The following WASF2 variants were observed in gnomAD, a reference collection of about 807,000 sequenced individuals.
WASF2 encodes WASP family member 2.
WASF2 carries 14 observed loss-of-function variants against 45.0 expected under a neutral mutation model. The ratio of observed to expected loss-of-function variants is 0.31; its 90% CI spans 0.21 to 0.49. The LOEUF (loss-of-function observed/expected upper bound fraction) is 0.49, where lower values mean the gene tolerates loss of function less well. WASF2 is among the 20% of genes least tolerant of loss of function. WASF2 has a pLI of 0.99. For missense variants in WASF2, 439 were observed against 636.1 expected, an observed-to-expected ratio of 0.69 and a Z score of 3.33; for synonymous variants, 200 against 236.3, an observed-to-expected ratio of 0.85 and a Z score of 1.41.
chr1:27,467,841 G>C (rs914631809), intron 1 of WASF2, among the ~76,000 whole-genome samples: 17 of 152,030 alleles, frequency 1.1e-4, no homozygotes, highest in Non-Finnish European at 2.2e-4. Context: ...GAACCCAGGA[G>C]GCGGAGGTTG....
chr1:27,483,609 C>A (rs535235429), intron 1 of WASF2, among the ~76,000 whole-genome samples: 1 of 152,154 alleles, frequency 6.6e-6, no homozygotes, highest in East Asian at 1.9e-4. Flanking sequence ...CACTGCACTC[C>A]AGCATGGGCG....
chr1:27,418,140 A>G (rs2016850577), intron 4 of WASF2, 129 bp downstream of exon 4: 9 of 1,096,268 alleles, frequency 8.2e-6, no homozygotes, highest in Non-Finnish European at 1.1e-5. Context: ...CACAGAAACT[A>G]CCACAACTTT....
rs751918883 is a variant in WASF2, at chr1:27,405,480, T to C, written c.*2709A>G. 9 of 152,132 alleles carry C rather than the reference T, an allele frequency of 5.9e-5. No homozygotes were observed. Among genetic ancestry groups the C allele is most frequent in the Non-Finnish European group, 1.3e-4 (9 of 68,024 alleles). The allele number at this position is 152,132 out of a possible 1,614,324, so 9.4% of individuals were successfully genotyped here. A position where few individuals can be genotyped will look rare whatever the true frequency, so the allele number is the denominator to read the frequency against. ...ATGGGCCATTGTTCCATACTCTCAC[T>C]AGCTTAGGCCCAGATTAAATAATCA... On this transcript the variant is annotated 3_prime_UTR_variant, in exon 9 of 9. Coordinates refer to ENST00000618852, the MANE Select transcript of WASF2 (RefSeq NM_006990.5).
At chr1:27,463,351 C>A (rs191681397) in intron 1 of WASF2, among the ~76,000 whole-genome samples, 18 of 152,100 alleles carry the variant, frequency 1.2e-4, no homozygotes, top group Admixed American at 2.0e-4. Flanking sequence ...TGATACTGGC[C>A]GGATGCGGTG....
chr1:27,411,991 CA>C (rs1571118780), intron 7 of WASF2, among the ~76,000 whole-genome samples: 1 of 152,288 alleles, frequency 6.6e-6, no homozygotes, highest in East Asian at 1.9e-4. Context: ...TTCAACTGAC[CA>C]ATCAGGGCTC....
At chr1:27,428,986 T>C in intron 1 of WASF2, 53 bp from the exon 2 acceptor site, 1 of 1,221,518 alleles carries the variant, frequency 8.2e-7, no homozygotes, top group Non-Finnish European at 1.1e-6. Flanking sequence ...CCAGGCACAC[T>C]AGGGCTGTGT....
chr1:27,474,721 G>A (rs578107787), intron 1 of WASF2, among the ~76,000 whole-genome samples: 40 of 151,656 alleles, frequency 2.6e-4, no homozygotes, highest in Non-Finnish European at 5.3e-4. Flanking sequence ...GCAGTGAGCC[G>A]AGATCATGCC....
At chr1:27,428,219 G>C (rs1457474620) in intron 2 of WASF2, among the ~76,000 whole-genome samples, 1 of 152,198 alleles carries the variant, frequency 6.6e-6, no homozygotes, top group African/African-American at 2.4e-5. Flanking sequence ...CTGGGGGCTT[G>C]CAGCACAATT....
At chr1:27,474,008 T>C (rs892144181) in intron 1 of WASF2, among the ~76,000 whole-genome samples, 1 of 152,116 alleles carries the variant, frequency 6.6e-6, no homozygotes, top group African/African-American at 2.4e-5. Context: ...CCAGAGTACC[T>C]GGAGGGAAAC....
At chr1:27,455,742 C>A (rs1275502909) in intron 1 of WASF2, among the ~76,000 whole-genome samples, 2 of 152,150 alleles carry the variant, frequency 1.3e-5, no homozygotes, top group Non-Finnish European at 2.9e-5. Flanking sequence ...CGCTTCCCGG[C>A]CCAGTTCAAG....
chr1:27,409,167 G>A (rs1469070368), intron 8 of WASF2, among the ~76,000 whole-genome samples: 1 of 152,122 alleles, frequency 6.6e-6, no homozygotes, highest in East Asian at 1.9e-4. Context: ...GCTCACGCCT[G>A]TAATCCCAGC....
Position 27,409,586 on chromosome 1 carries a change from C to T in WASF2, c.1339+106G>A, listed in dbSNP as rs942447962. 6 of 1,340,804 alleles carry T rather than the reference C, an allele frequency of 4.5e-6. No individual in the cohort carries two copies. In the Admixed American group the frequency reaches 8.9e-5, roughly 20 times the overall value. The allele number at this position is 1,340,804 out of a possible 1,614,324, so 83.1% of individuals were successfully genotyped here. ...CAATCTCTCCCCACCCAATGAAAGC[C>T]GTTTCCTGGGAAGGGCACAGGGACC... On this transcript the variant is annotated intron_variant, in intron 8 of 8. Transcript: ENST00000618852.
At chr1:27,460,802 A>C (rs1047078551) in intron 1 of WASF2, among the ~76,000 whole-genome samples, 1 of 152,224 alleles carries the variant, frequency 6.6e-6, no homozygotes, top group Admixed American at 6.5e-5. Context: ...ACCTGGGTTC[A>C]AATCTCAGCT....
Position 27,410,346 on chromosome 1 carries a change from C to A in WASF2, c.825-140G>T, listed in dbSNP as rs2016745670. 1.4e-6 allele frequency: 2 copies of A among 1,446,046 alleles called. No homozygotes were observed. The highest frequency in any genetic ancestry group is 1.4e-5 in the African/African-American group (1 of 70,252). The allele number at this position is 1,446,046 out of a possible 1,614,324, so 89.6% of individuals were successfully genotyped here. A position where few individuals can be genotyped will look rare whatever the true frequency, so the allele number is the denominator to read the frequency against. On this transcript the variant is annotated intron_variant, in intron 7 of 8. Coordinates refer to ENST00000618852, the MANE Select transcript of WASF2 (RefSeq NM_006990.5). The surrounding 1 kb of genome is among the most constrained non-coding windows in gnomAD (Gnocchi z 4.2). ...TCACTTAAACAGAAAGAAAAGCCTA[C>A]AGATGGTCATAACAGACCAATAATG... is the stretch of plus-strand genomic sequence containing the variant.
chr1:27,408,109 C>A lies in WASF2; in HGVS notation c.*80G>T. The A allele has an allele frequency of 6.5e-7, 1 of 1,533,196 alleles. No individual in the cohort carries two copies. The highest frequency in any genetic ancestry group is 8.8e-7 in the Non-Finnish European group (1 of 1,131,248). 95.0% of individuals were successfully genotyped at this position (1,533,196 alleles called of 1,614,324 possible). A position where few individuals can be genotyped will look rare whatever the true frequency, so the allele number is the denominator to read the frequency against. ...TTACTTTTTTCCTCCCTTTTCTCCC[C>A]CTACGGGTCTGTTGGGGTTGGCATC... On this transcript the variant is annotated 3_prime_UTR_variant, in exon 9 of 9. Coordinates refer to ENST00000618852, the MANE Select transcript of WASF2 (RefSeq NM_006990.5).
At chr1:27,427,082 T>C (rs2016996605) in intron 2 of WASF2, among the ~76,000 whole-genome samples, 1 of 152,190 alleles carries the variant, frequency 6.6e-6, no homozygotes, top group Non-Finnish European at 1.5e-5. Context: ...CTTATTCTTA[T>C]TCTTATTGAG....
intron 1 of WASF2, among the ~76,000 whole-genome samples, chr1:27,434,786 CAAAT>C (rs918943447): frequency 2.8e-4 from 43 of 152,300 alleles, no homozygotes; most frequent in Middle Eastern, 6.8e-3. Context: ...AGTCTGAAAA[CAAAT>C]AAAAGACTGC....
chr1:27,408,500 TTTA>T (rs1211395224), intron 8 of WASF2, among the ~76,000 whole-genome samples, 154 bp from the exon 9 acceptor site: 1 of 152,098 alleles, frequency 6.6e-6, no homozygotes, highest in Non-Finnish European at 1.5e-5. Context: ...AGAAGATGAG[TTTA>T]TGAAATTGAT....
At chr1:27,417,889 T>G (rs1183088335) in intron 4 of WASF2, among the ~76,000 whole-genome samples, 1 of 127,102 alleles carries the variant, frequency 7.9e-6, no homozygotes, top group Admixed American at 9.3e-5. Flanking sequence ...GTGGGAGCCT[T>G]GCTAGAATGT....
Sources: gnomAD v4.1 joint callset for allele counts (sites outside exome capture counted in the v4.1 genomes callset) on GRCh38, gnomAD v4.1.1 for gene constraint, Gnocchi (gnomAD v3.1) non-coding constraint, MANE v1.5 for transcripts, NCBI Gene and HGNC (gene_info 2026-07-23, HGNC 2026-07-21) for gene names.